Variants in CHD2 observed in about 807,000 individuals in gnomAD.
CHD2 encodes ATP-dependent chromatin remodeler CHD2.
Under a neutral mutation model 243.9 loss-of-function variants are expected in CHD2, and 28 were observed. The ratio of observed to expected loss-of-function variants is 0.11; its 90% CI spans 0.09 to 0.16. The LOEUF is 0.16. Ranked by LOEUF, CHD2 falls within the 10% of genes least tolerant of loss-of-function variation. The pLI is 1.00. For synonymous variants in CHD2, 775 were observed against 779.0 expected, an observed-to-expected ratio of 0.99 and a Z score of 0.09; for missense variants, 1,386 against 2,209.8, an observed-to-expected ratio of 0.63 and a Z score of 7.47.
chr15:92,920,071 CAG>C (rs898925892), intron 2 of CHD2, among the ~76,000 whole-genome samples: 1 of 152,162 alleles, frequency 6.6e-6, no homozygotes, highest in Non-Finnish European at 1.5e-5. Context: ...CCATCCCTAA[CAG>C]AGTAAACCAG....
intron 11 of CHD2, 48 bp from the exon 12 acceptor site, chr15:92,945,990 C>A: frequency 6.6e-7 from 1 of 1,515,310 alleles, no homozygotes; most frequent in Non-Finnish European, 8.9e-7. Flanking sequence ...TCATTTTTCA[C>A]TTTTAATTGA....
intron 2 of CHD2, among the ~76,000 whole-genome samples, chr15:92,917,830 T>C (rs558796649): frequency 6.6e-6 from 1 of 152,270 alleles, no homozygotes; most frequent in East Asian, 1.9e-4. Flanking sequence ...TCTTTATAGG[T>C]AAGGATTAGG....
chr15:92,994,541 A>G (rs956200733), intron 28 of CHD2, among the ~76,000 whole-genome samples: 2 of 152,152 alleles, frequency 1.3e-5, no homozygotes, highest in African/African-American at 4.8e-5. Context: ...TTGCAAAATG[A>G]TCTGAATATG....
rs1049773000 is a variant in CHD2, at chr15:92,944,239, TTTTG to T, written c.1053-164_1053-161del. On this transcript the variant is annotated intron_variant, in intron 9 of 38. Transcript: ENST00000394196. ...TTTCAGTGTTCTCTAAAAGTGTTTT[TTTTG>T]TTTGTTTGTTTTGTTTTGTAAAATC... 633 of 456,850 alleles carry T rather than the reference TTTTG, an allele frequency of 1.4e-3. 2 individuals are homozygous for T. Among genetic ancestry groups the T allele is most frequent in the Middle Eastern group, 1.8e-3 (3 of 1,680 alleles). 28.3% of individuals were successfully genotyped at this position (456,850 alleles called of 1,614,324 possible).
At chr15:92,930,322 A>C (rs968334152) in intron 5 of CHD2, among the ~76,000 whole-genome samples, 1 of 151,910 alleles carries the variant, frequency 6.6e-6, no homozygotes, top group Non-Finnish European at 1.5e-5. Context: ...TGAATTCTTG[A>C]CTTCCTATTT....
intron 20 of CHD2, among the ~76,000 whole-genome samples, chr15:92,976,281 G>A (rs2053907081): frequency 6.6e-6 from 1 of 152,100 alleles, no homozygotes; most frequent in Admixed American, 6.5e-5. Context: ...CATTTCTGCA[G>A]TATTTTAAAA....
intron 7 of CHD2, among the ~76,000 whole-genome samples, chr15:92,940,909 TATATAAATATAC>T (rs1430600150): frequency 3.3e-5 from 3 of 92,220 alleles, no homozygotes; most frequent in African/African-American, 1.1e-4. Flanking sequence ...TATAAATATA[TATATAAATATAC>T]ATATAAATAT....
chr15:92,946,414 G>T (rs762650903), intron 12 of CHD2, 198 bp downstream of exon 12: 5 of 405,128 alleles, frequency 1.2e-5, no homozygotes, highest in African/African-American at 2.0e-5. Flanking sequence ...GTTTAATCTT[G>T]CAATTTACAT....
intron 22 of CHD2, 29 bp downstream of exon 22, chr15:92,979,312 C>T: frequency 6.2e-7 from 1 of 1,608,504 alleles, no homozygotes; most frequent in African/African-American, 1.3e-5. Context: ...GGGAGGTAGG[C>T]AGAATCAAAT....
At chr15:92,986,609 A>C (rs2054046564) in intron 26 of CHD2, among the ~76,000 whole-genome samples, 1 of 152,136 alleles carries the variant, frequency 6.6e-6, no homozygotes, top group Admixed American at 6.5e-5. Flanking sequence ...CTTGCTCCCT[A>C]TTCCCAGTAT....
intron 38 of CHD2, chr15:93,020,871 A>T (rs1037405801): frequency 1.3e-5 from 2 of 153,282 alleles, no homozygotes; most frequent in Non-Finnish European, 2.9e-5. Context: ...CAGTGGGAAA[A>T]TTTCATATAA....
At chr15:92,949,334 C>T (rs1291985212) in intron 13 of CHD2, 3 of 846,592 alleles carry the variant, frequency 3.5e-6, no homozygotes, top group Non-Finnish European at 4.7e-6. Flanking sequence ...TAGCCAGAAA[C>T]CTGTATCATC....
chr15:93,012,108 GA>G (rs952040945), intron 35 of CHD2, among the ~76,000 whole-genome samples: 1 of 151,754 alleles, frequency 6.6e-6, no homozygotes, highest in Non-Finnish European at 1.5e-5. Context: ...ACATTGATGA[GA>G]AAAAAAATTG....
chr15:92,991,979 A>T (rs905282929), intron 27 of CHD2, among the ~76,000 whole-genome samples: 5 of 152,246 alleles, frequency 3.3e-5, no homozygotes, highest in African/African-American at 1.2e-4. Flanking sequence ...GACTATAAAA[A>T]CTTCCAAAAG....
At position 93,014,894 on chromosome 15, in the gene CHD2, C is replaced by T. The variant is rs774401500; in HGVS notation, c.4891C>T (p.His1631Tyr). ...RDNYNHPNKRHFSNADRGDWQ... is the reference protein window; with the variant it reads ...RDNYNHPNKRYFSNADRGDWQ... ...TAACTACAATCACCCCAACAAGAGACACTTCAGTAATGCAGGTAGGTCATT... is the reference window on the plus strand; with the variant it reads ...TAACTACAATCACCCCAACAAGAGATACTTCAGTAATGCAGGTAGGTCATT... Residue 1631 changes from histidine (H) to tyrosine (Y), a missense_variant, in exon 37 of 39, where the codon CAC (histidine) becomes TAC (tyrosine). This residue lies in a region of CHD2 where 347 missense variants were observed against 341.6 expected (regional missense o/e 1.02). Transcript: ENST00000394196. The T allele has an allele frequency of 1.9e-6, 3 of 1,614,046 alleles. No homozygotes were observed. Among genetic ancestry groups the T allele is most frequent in the Non-Finnish European group, 2.5e-6 (3 of 1,179,936 alleles).
At chr15:92,902,146 C>T in intron 2 of CHD2, 1 of 397,828 alleles carries the variant, frequency 2.5e-6, no homozygotes, top group Non-Finnish European at 4.4e-6. Context: ...GATGTAGCTG[C>T]TTTAAATTTA....
At position 93,014,870 on chromosome 15, in the gene CHD2, A is replaced by G; in HGVS notation, c.4867A>G (p.Asn1623Asp). Residue 1623 changes from asparagine to aspartate, a missense_variant, in exon 37 of 39, where the codon AAC (asparagine) becomes GAC (aspartate). Asn to Asp is a conservative substitution (Grantham distance 23). Transcript: ENST00000394196. ...ACAGATGCATGGACACCCAAGAGAT[A>G]ACTACAATCACCCCAACAAGAGACA... is the stretch of plus-strand genomic sequence containing the variant. ...GPQMHGHPRD[N>D]YNHPNKRHFS... 6.2e-7 allele frequency: 1 copy of G among 1,614,168 alleles called. No individual in the cohort carries two copies. Among genetic ancestry groups the G allele is most frequent in the Non-Finnish European group, 8.5e-7 (1 of 1,180,028 alleles).
intron 5 of CHD2, among the ~76,000 whole-genome samples, chr15:92,932,562 C>T (rs570190957): frequency 1.9e-4 from 28 of 151,146 alleles, no homozygotes; most frequent in African/African-American, 6.6e-4. Context: ...TCTGTCCTTG[C>T]GATAGTTTGC....
chr15:93,008,036 C>A (rs1197530850), intron 34 of CHD2, among the ~76,000 whole-genome samples: 5 of 152,216 alleles, frequency 3.3e-5, no homozygotes, highest in Non-Finnish European at 7.3e-5. Flanking sequence ...GGGGCTTGAT[C>A]TCCTTTGAAA....
Sources: gnomAD v4.1 joint callset for allele counts (sites outside exome capture counted in the v4.1 genomes callset) on GRCh38, gnomAD v4.1.1 for gene constraint, gnomAD v4.1.1 regional missense constraint, MANE v1.5 for transcripts, NCBI Gene and HGNC (gene_info 2026-07-23, HGNC 2026-07-21) for gene names.